GTF3C2: variants seen among roughly 807,000 people sequenced by gnomAD.
The protein encoded by GTF3C2 is general transcription factor 3C polypeptide 2.
In GTF3C2, 17 loss-of-function variants were observed where a neutral mutation model predicts 117.4. That is an observed-to-expected ratio of 0.14 (90% CI 0.10 to 0.22). The LOEUF is 0.22. GTF3C2 is among the 10% of genes least tolerant of loss of function. The pLI is 1.00. For synonymous variants in GTF3C2, 437 were observed against 427.0 expected, an observed-to-expected ratio of 1.02 and a Z score of -0.29; for missense variants, 888 against 1,143.6, an observed-to-expected ratio of 0.78 and a Z score of 3.22.
chr2:27,326,721 C>A (rs374655370), exon 19 of GTF3C2: 4 of 1,614,008 alleles, frequency 2.5e-6, no homozygotes, highest in Non-Finnish European at 3.4e-6. Flanking sequence ...GAAGCCAGGC[C>A]GTCTAGTGGG....
intron 1 of GTF3C2, among the ~76,000 whole-genome samples, chr2:27,344,680 G>C (rs1395088684): frequency 6.6e-6 from 1 of 152,188 alleles, no homozygotes; most frequent in Non-Finnish European, 1.5e-5. Flanking sequence ...CAAGGAATAA[G>C]TTTATTTAAG....
At chr2:27,356,260 T>TA in intron 1 of GTF3C2, 1 of 435,320 alleles carries the variant, frequency 2.3e-6, no homozygotes, top group Non-Finnish European at 4.5e-6. Context: ...CCCTCGGGGT[T>TA]AAAGAGCCTC....
chr2:27,332,542 G>A (rs1019394589), intron 12 of GTF3C2, among the ~76,000 whole-genome samples: 2 of 151,830 alleles, frequency 1.3e-5, no homozygotes, highest in Non-Finnish European at 2.9e-5. Flanking sequence ...AGCCTCCCGG[G>A]TAGCTGGGAC....
chr2:27,349,608 A>T (rs375756205), intron 1 of GTF3C2, among the ~76,000 whole-genome samples: 4 of 152,232 alleles, frequency 2.6e-5, no homozygotes, highest in Admixed American at 2.0e-4. Flanking sequence ...AGTCGAATTT[A>T]GGGGGAAAAC....
chr2:27,348,699 G>A (rs1681006906), intron 1 of GTF3C2, among the ~76,000 whole-genome samples: 1 of 151,984 alleles, frequency 6.6e-6, no homozygotes, highest in Non-Finnish European at 1.5e-5. Context: ...AGCTACTCAG[G>A]AGACTGAGGC....
At chr2:27,343,258 A>G (rs1390586128) in intron 2 of GTF3C2, 50 bp downstream of exon 2, 1 of 1,587,320 alleles carries the variant, frequency 6.3e-7, no homozygotes, top group African/African-American at 1.4e-5. Flanking sequence ...CTGCTCTTTC[A>G]TCTTAAGCTT....
exon 8 of GTF3C2, chr2:27,336,394 A>C: frequency 6.2e-7 from 1 of 1,608,696 alleles, no homozygotes; most frequent in Non-Finnish European, 8.5e-7. Context: ...GACACATCCC[A>C]GCGCTCTGGA....
exon 2 of GTF3C2, chr2:27,343,368 A>C (rs769290410): frequency 6.2e-7 from 1 of 1,614,044 alleles, no homozygotes; most frequent in Non-Finnish European, 8.5e-7. Flanking sequence ...TGATCAGGAG[A>C]ATCCTCAAAT....
intron 1 of GTF3C2, chr2:27,350,569 G>A (rs1337296033): frequency 7.7e-6 from 7 of 908,496 alleles, no homozygotes; most frequent in African/African-American, 1.8e-5. Flanking sequence ...GGAGGCCAAG[G>A]TGGGAGGATC....
chr2:27,356,109 T>C, intron 1 of GTF3C2: 1 of 1,289,124 alleles, frequency 7.8e-7, no homozygotes, highest in Non-Finnish European at 1.0e-6. Context: ...TCCAACAAAG[T>C]GAGTTGCCTC....
chr2:27,355,377 G>A lies in GTF3C2; in HGVS notation c.-25+1362C>T, dbSNP rs1313940865. Among the ~76,000 whole-genome samples, 3 of 152,056 alleles carry A rather than the reference G, an allele frequency of 2.0e-5. No individual in the cohort carries two copies. In the South Asian group the frequency reaches 6.2e-4, roughly 31 times the overall value. The stretch of plus-strand genomic sequence containing the variant: ...CTCTACTAAAAATACAAAAGTAGCC[G>A]GGCATGGTGGCACGCGCCTGTAATT... On this transcript the variant is annotated intron_variant, in intron 1 of 18. Coordinates refer to ENST00000264720, the Ensembl canonical transcript of GTF3C2.
intron 2 of GTF3C2, 34 bp from the exon 3 acceptor site, chr2:27,343,181 C>A: frequency 6.6e-7 from 1 of 1,518,658 alleles, no homozygotes; most frequent in Non-Finnish European, 8.9e-7. Context: ...TGAGATGGGA[C>A]CAGAACTCAA....
intron 1 of GTF3C2, among the ~76,000 whole-genome samples, chr2:27,345,908 T>A (rs1680901428): frequency 6.6e-6 from 1 of 151,458 alleles, no homozygotes; most frequent in Non-Finnish European, 1.5e-5. Flanking sequence ...AGAGATGGGG[T>A]TTCACCATGT....
chr2:27,340,444 A>C (rs1421306027), intron 4 of GTF3C2: 3 of 151,660 alleles, frequency 2.0e-5, no homozygotes, highest in African/African-American at 4.8e-5. Flanking sequence ...ATGTTGGCCA[A>C]GCTGGTCTCA....
Position 27,329,834 on chromosome 2 carries a change from G to A in GTF3C2, c.1733-311C>T, listed in dbSNP as rs550993394. On this transcript the variant is annotated intron_variant, in intron 12 of 18. Transcript: ENST00000264720. The surrounding 1 kb of genome is among the most constrained non-coding windows in gnomAD (Gnocchi z 4.5). ...CTCTCTCTACTCCCTATAAATAAACGTCAAGGGACTTTTAAAAAGCATAGG... is the reference window on the plus strand; with the variant it reads ...CTCTCTCTACTCCCTATAAATAAACATCAAGGGACTTTTAAAAAGCATAGG... Among the ~76,000 whole-genome samples the A allele has an allele frequency of 1.8e-4, 27 of 152,168 alleles. No homozygotes were observed. The highest frequency in any genetic ancestry group is 6.3e-4 in the African/African-American group (26 of 41,512).
At chr2:27,336,310 C>G (rs1453967395) in exon 8 of GTF3C2, 1 of 1,613,940 alleles carries the variant, frequency 6.2e-7, no homozygotes, top group South Asian at 1.1e-5. Context: ...AAAAGAGCCA[C>G]ATATTGCGAG....
At chr2:27,344,002 A>G (rs1680833736) in intron 1 of GTF3C2, among the ~76,000 whole-genome samples, 1 of 152,024 alleles carries the variant, frequency 6.6e-6, no homozygotes, top group African/African-American at 2.4e-5. Flanking sequence ...CAGACAATAA[A>G]CAAGTAAACA....
At chr2:27,354,955 C>T (rs1681278297) in intron 1 of GTF3C2, among the ~76,000 whole-genome samples, 1 of 152,070 alleles carries the variant, frequency 6.6e-6, no homozygotes, top group Non-Finnish European at 1.5e-5. Context: ...AATTATTTTT[C>T]TCGAATAATC....
intron 1 of GTF3C2, among the ~76,000 whole-genome samples, chr2:27,355,720 C>G (rs1275838574): frequency 6.6e-6 from 1 of 152,152 alleles, no homozygotes; most frequent in Non-Finnish European, 1.5e-5. Flanking sequence ...AATAATGACA[C>G]AACACTGCAC....
Sources: allele counts gnomAD v4.1 joint callset (sites outside exome capture counted in the v4.1 genomes callset), GRCh38; gene constraint gnomAD v4.1.1; non-coding constraint Gnocchi (gnomAD v3.1); transcripts MANE v1.5; gene names NCBI Gene and HGNC (gene_info 2026-07-23, HGNC 2026-07-21).